The following ANK3 variants were observed in gnomAD, a reference collection of about 807,000 sequenced individuals.
The protein encoded by ANK3 is ankyrin 3.
Under a neutral mutation model 370.9 loss-of-function variants are expected in ANK3, and 57 were observed. The ratio of observed to expected loss-of-function variants is 0.15; its 90% confidence interval spans 0.12 to 0.19. The LOEUF (loss-of-function observed/expected upper bound fraction) is 0.19. Among genes scored for constraint, ANK3 ranks in the 10% least tolerant of loss-of-function variants. ANK3 has a pLI of 1.00. For synonymous variants in ANK3, 1,929 were observed against 1,946.3 expected, an observed-to-expected ratio of 0.99 and a Z score of 0.23; for missense variants, 4,439 against 5,302.1, an observed-to-expected ratio of 0.84 and a Z score of 5.06.
At chr10:60,100,831 A>T (rs574901734) in intron 28 of ANK3, among the ~76,000 whole-genome samples, 1 of 152,248 alleles carries the variant, frequency 6.6e-6, no homozygotes, top group Non-Finnish European at 1.5e-5. Flanking sequence ...AGATATGTAA[A>T]ACAAAGCATA....
At position 60,207,812 on chromosome 10, in the gene ANK3, T is replaced by C. The variant is rs148668381; in HGVS notation, c.1194+224A>G. 2.4e-3 allele frequency among the ~76,000 whole-genome samples: 361 copies of C among 152,350 alleles called. 2 individuals carry two copies. Among genetic ancestry groups the C allele is most frequent in the African/African-American group, 8.3e-3 (347 of 41,592 alleles). ...TCTTTGGGTTCATACGGGAATCACT[T>C]ATGTGACCATAAAAACATTAACAGT... is the stretch of plus-strand genomic sequence containing the variant. On this transcript the variant is annotated intron_variant, in intron 10 of 43. Coordinates refer to ENST00000280772, the MANE Select transcript of ANK3 (RefSeq NM_020987.5).
chr10:60,657,469 T>C (rs530383053), intron 1 of ANK3, among the ~76,000 whole-genome samples: 12 of 152,294 alleles, frequency 7.9e-5, no homozygotes, highest in South Asian at 4.1e-4. Flanking sequence ...TTTGATTTCT[T>C]CTTTGACCTA....
intron 2 of ANK3, among the ~76,000 whole-genome samples, chr10:60,436,628 C>T (rs550289881): frequency 1.3e-5 from 2 of 152,206 alleles, no homozygotes; most frequent in South Asian, 2.1e-4. Context: ...GATTCAAATG[C>T]TTTGCCTATT....
At chr10:60,340,866 C>A (rs1012248049) in intron 1 of ANK3, among the ~76,000 whole-genome samples, 6 of 152,100 alleles carry the variant, frequency 3.9e-5, no homozygotes, top group Non-Finnish European at 8.8e-5. Flanking sequence ...TTGCTGTATC[C>A]TCACAATGAC....
At chr10:60,193,847 A>G (rs2096539312) in intron 16 of ANK3, among the ~76,000 whole-genome samples, 1 of 152,172 alleles carries the variant, frequency 6.6e-6, no homozygotes, top group African/African-American at 2.4e-5. Flanking sequence ...GGGGCTGGGC[A>G]AGGTAGCTCA....
intron 1 of ANK3, among the ~76,000 whole-genome samples, chr10:60,366,958 T>C (rs749361327): frequency 2.6e-5 from 4 of 152,236 alleles, no homozygotes; most frequent in Non-Finnish European, 5.9e-5. Context: ...TTATTCTTAC[T>C]ATATTTACCT....
intron 1 of ANK3, among the ~76,000 whole-genome samples, chr10:60,641,610 C>T (rs1407065800): frequency 6.6e-6 from 1 of 151,820 alleles, no homozygotes; most frequent in Non-Finnish European, 1.5e-5. Context: ...CCCTTCCTTA[C>T]ACCTTATACA....
chr10:60,443,431 A>G (rs1318151616), intron 2 of ANK3, among the ~76,000 whole-genome samples: 1 of 152,044 alleles, frequency 6.6e-6, no homozygotes, highest in East Asian at 1.9e-4. Context: ...TCCTTCTGGG[A>G]GCCTGAGAAT....
chr10:60,621,266 C>T (rs981551415), intron 1 of ANK3, among the ~76,000 whole-genome samples: 8 of 152,100 alleles, frequency 5.3e-5, no homozygotes, highest in Non-Finnish European at 1.2e-4. Context: ...CTAAAAAGGA[C>T]CTTTGAGAGA....
At chr10:60,076,749 A>G (rs2083929784) in intron 36 of ANK3, among the ~76,000 whole-genome samples, 1 of 152,180 alleles carries the variant, frequency 6.6e-6, no homozygotes, top group South Asian at 2.1e-4. Context: ...AGAAAACATG[A>G]GGAAAGAATT....
At chr10:60,595,202 G>A (rs922169806) in intron 2 of ANK3, among the ~76,000 whole-genome samples, 3 of 152,084 alleles carry the variant, frequency 2.0e-5, no homozygotes, top group African/African-American at 7.2e-5. Flanking sequence ...CCCAGGGAGA[G>A]CTAACTTATC....
At chr10:60,373,292 C>A (rs934125627) in intron 1 of ANK3, among the ~76,000 whole-genome samples, 1 of 152,068 alleles carries the variant, frequency 6.6e-6, no homozygotes, top group Non-Finnish European at 1.5e-5. Context: ...TTTAAATGTC[C>A]GTCCCTTGGC....
At chr10:60,492,706 C>CAAAAAAA (rs764367710) in intron 2 of ANK3, among the ~76,000 whole-genome samples, 25 of 57,474 alleles carry the variant, frequency 4.3e-4, no homozygotes, top group South Asian at 1.5e-3. Flanking sequence ...GACTCTGTCT[C>CAAAAAAA]AAAAAAAAAA....
chr10:60,335,878 C>T (rs1175230759), intron 1 of ANK3, among the ~76,000 whole-genome samples: 1 of 152,046 alleles, frequency 6.6e-6, no homozygotes, highest in Non-Finnish European at 1.5e-5. Flanking sequence ...AGACACTTGT[C>T]CAAAATTACA....
At chr10:60,366,127 C>T (rs1238398367) in intron 1 of ANK3, among the ~76,000 whole-genome samples, 12 of 151,932 alleles carry the variant, frequency 7.9e-5, no homozygotes, top group African/African-American at 2.7e-4. Context: ...CACTTGAGGT[C>T]AGAAGTTCGA....
chr10:60,182,546 A>C (rs2096226124), intron 17 of ANK3, among the ~76,000 whole-genome samples: 1 of 152,222 alleles, frequency 6.6e-6, no homozygotes, highest in Admixed American at 6.5e-5. Context: ...ATGAGCACAG[A>C]AGTTAATATC....
At chr10:60,040,176 G>T (rs984708996) in intron 43 of ANK3, among the ~76,000 whole-genome samples, 3 of 152,186 alleles carry the variant, frequency 2.0e-5, no homozygotes, top group Non-Finnish European at 4.4e-5. Flanking sequence ...AAGAAAAGCA[G>T]GGGCAGAGTT....
At chr10:60,463,151 G>T (rs374458109) in intron 2 of ANK3, among the ~76,000 whole-genome samples, 1 of 152,096 alleles carries the variant, frequency 6.6e-6, no homozygotes, top group African/African-American at 2.4e-5. Context: ...TGATCCATGC[G>T]CCTTGGCCTC....
intron 2 of ANK3, among the ~76,000 whole-genome samples, chr10:60,579,329 A>T (rs981934872): frequency 2.0e-5 from 2 of 100,586 alleles, no homozygotes; most frequent in South Asian, 4.9e-4. Context: ...CTCTCAATAA[A>T]AAAAAAAAAA....
Sources: allele counts gnomAD v4.1 joint callset (sites outside exome capture counted in the v4.1 genomes callset), GRCh38; gene constraint gnomAD v4.1.1; transcripts MANE v1.5; gene names NCBI Gene and HGNC (gene_info 2026-07-23, HGNC 2026-07-21).